The following SYNE2 variants were observed in gnomAD, a reference collection of about 807,000 sequenced individuals.
The protein encoded by SYNE2 is nesprin-2.
Under a neutral mutation model 856.3 loss-of-function variants are expected in SYNE2, and 431 were observed. The ratio of observed to expected loss-of-function variants is 0.50; its 90% confidence interval spans 0.47 to 0.55. The LOEUF (loss-of-function observed/expected upper bound fraction) is 0.55. SYNE2 is among the 20% of genes least tolerant of loss of function. The pLI, the probability that SYNE2 is intolerant of heterozygous loss-of-function variation, is 0.00. For synonymous variants in SYNE2, 2,923 were observed against 2,872.3 expected (o/e 1.02, Z -0.56); for missense variants, 8,129 against 8,023.2 (o/e 1.01, Z -0.50).
chr14:63,836,805 G>A (rs995986878), intron 1 of SYNE2, among the ~76,000 whole-genome samples: 5 of 152,148 alleles, frequency 3.3e-5, no homozygotes, highest in African/African-American at 1.2e-4. Context: ...AAGAATGTAA[G>A]TTAGATAATA....
intron 49 of SYNE2, among the ~76,000 whole-genome samples, chr14:64,060,918 CAATGCA>C (rs2097311717): frequency 6.6e-6 from 1 of 152,120 alleles, no homozygotes; most frequent in Non-Finnish European, 1.5e-5. Flanking sequence ...CACTGCATTC[CAATGCA>C]AAGCTCCCCA....
rs184821363 is a variant in SYNE2, at chr14:64,162,464, C to T, written c.16299+188C>T. The T allele has an allele frequency of 2.0e-4, 132 of 669,876 alleles. No individual in the cohort carries two copies. The East Asian group carries it at 3.6e-3, about 18-fold the overall frequency. The allele number at this position is 669,876 out of a possible 1,614,324, so 41.5% of individuals were successfully genotyped here. ...TGGTGGCTCAGAGGTGACGTCTAGG[C>T]AGCAAATAGCTGGATCAGGGGGACT... On this transcript the variant is annotated intron_variant, in intron 88 of 115. Transcript: ENST00000555002.
chr14:64,215,984 C>G (rs964132827), intron 107 of SYNE2: 1 of 1,402,962 alleles, frequency 7.1e-7, no homozygotes, highest in Non-Finnish European at 9.3e-7. Flanking sequence ...CCCTACCACT[C>G]GAGACCCTGG....
chr14:64,062,645 T>C, intron 49 of SYNE2, 106 bp from the exon 50 acceptor site: 2 of 1,159,346 alleles, frequency 1.7e-6, no homozygotes, highest in Non-Finnish European at 2.5e-6. Context: ...AAAGTTGTCA[T>C]ATCTTTTCTT....
At chr14:63,887,980 T>G (rs1474083157) in intron 1 of SYNE2, among the ~76,000 whole-genome samples, 2 of 152,080 alleles carry the variant, frequency 1.3e-5, no homozygotes. Flanking sequence ...CTTGGGTTCT[T>G]GACCTCAAGT....
Position 64,053,312 on chromosome 14 carries a change from A to T in SYNE2, c.9399A>T (p.Leu3133Phe). ...IKLNAEENDK[L>F]YKVLQNMVLE... is the part of the protein sequence containing the mutation. Reference sequence around the variant, plus strand: ...TGAATGCAGAAGAAAATGATAAGTTATACAAAGTTCTCCAAAACATGGTAT... The same window carrying T: ...TGAATGCAGAAGAAAATGATAAGTTTTACAAAGTTCTCCAAAACATGGTAT... The change falls in exon 48 of 116, where the codon TTA becomes TTT. Residue 3133 changes from leucine (L) to phenylalanine (F), a missense_variant. Around this residue, in one of 3 missense-constraint regions of SYNE2, gnomAD observed 5,410 missense variants for 5,284.8 expected, o/e 1.02. Coordinates refer to ENST00000555002, the MANE Select transcript of SYNE2 (RefSeq NM_182914.3). 1 of 1,611,038 alleles carries T rather than the reference A, an allele frequency of 6.2e-7. No homozygotes were observed. The highest frequency in any genetic ancestry group is 8.5e-7 in the Non-Finnish European group (1 of 1,179,336).
intron 24 of SYNE2, 46 bp downstream of exon 24, chr14:63,997,204 C>T: frequency 6.3e-7 from 1 of 1,597,102 alleles, no homozygotes; most frequent in Non-Finnish European, 8.6e-7. Context: ...AAAACGAAGC[C>T]TTTTGCACGA....
Position 64,162,067 on chromosome 14 carries a change from G to T in SYNE2, c.16095-5G>T. On this transcript the variant is annotated splice_region_variant and splice_polypyrimidine_tract_variant and intron_variant, in intron 87 of 115. Coordinates refer to ENST00000555002, the MANE Select transcript of SYNE2 (RefSeq NM_182914.3). The stretch of plus-strand genomic sequence containing the variant: ...AGGGTTATGTTATTTGCGTTGCACT[G>T]ACAGGTGGACTCAGGTGAACCAAGC... 6.2e-7 allele frequency: 1 copy of T among 1,614,134 alleles called. No individual in the cohort carries two copies. The highest frequency in any genetic ancestry group is 1.1e-5 in the South Asian group (1 of 91,040).
At chr14:64,124,138 G>T (rs1258688270) in intron 70 of SYNE2, among the ~76,000 whole-genome samples, 1 of 152,098 alleles carries the variant, frequency 6.6e-6, no homozygotes, top group Non-Finnish European at 1.5e-5. Context: ...CCAGGTGGCA[G>T]AGGTTGCAGT....
intron 6 of SYNE2, among the ~76,000 whole-genome samples, chr14:63,948,248 G>GA (rs1444557997): frequency 1.3e-5 from 2 of 151,288 alleles, no homozygotes; most frequent in South Asian, 2.1e-4. Context: ...AAACATTTTA[G>GA]AAAAAAATTG....
intron 19 of SYNE2, 70 bp downstream of exon 19, chr14:63,986,687 T>C (rs1771716615): frequency 3.9e-6 from 6 of 1,534,398 alleles, no homozygotes; most frequent in Non-Finnish European, 5.4e-6. Flanking sequence ...AAATAAGAAG[T>C]TTTAAAGTAA....
chr14:64,071,998 G>A (rs911416856), intron 52 of SYNE2, among the ~76,000 whole-genome samples: 7 of 152,070 alleles, frequency 4.6e-5, no homozygotes, highest in Admixed American at 1.3e-4. Context: ...AGCCTGAAAC[G>A]TCCATCTCAA....
chr14:64,016,728 A>G (rs2096894836), intron 33 of SYNE2, 97 bp downstream of exon 33: 2 of 852,742 alleles, frequency 2.3e-6, no homozygotes, highest in Non-Finnish European at 3.7e-6. Context: ...AAAAATACTC[A>G]TTGTAAAAAT....
chr14:63,823,571 G>C (rs1368137384), intron 1 of SYNE2, among the ~76,000 whole-genome samples: 1 of 151,704 alleles, frequency 6.6e-6, no homozygotes, highest in Middle Eastern at 3.4e-3. Flanking sequence ...AACATTCTTT[G>C]CCAGTATTAT....
intron 100 of SYNE2, among the ~76,000 whole-genome samples, 170 bp from the exon 101 acceptor site, chr14:64,208,588 G>C (rs1440134840): frequency 6.6e-6 from 1 of 152,226 alleles, no homozygotes; most frequent in African/African-American, 2.4e-5. Flanking sequence ...CACAAGGGTA[G>C]CACAAAGATG....
At chr14:63,786,984 A>G (rs1450613860) in intron 1 of SYNE2, among the ~76,000 whole-genome samples, 1 of 152,030 alleles carries the variant, frequency 6.6e-6, no homozygotes, top group Non-Finnish European at 1.5e-5. Context: ...CTTAGTCTTG[A>G]ACTCCTGGGC....
chr14:63,936,850 T>C (rs1227020135), intron 2 of SYNE2, among the ~76,000 whole-genome samples: 1 of 152,122 alleles, frequency 6.6e-6, no homozygotes, highest in Non-Finnish European at 1.5e-5. Flanking sequence ...GAGGTGATGG[T>C]GACTTGGGCC....
chr14:64,099,768 C>T (rs886095351), intron 63 of SYNE2: 1 of 151,550 alleles, frequency 6.6e-6, no homozygotes, highest in African/African-American at 2.4e-5. Context: ...TATTATTATA[C>T]TTTAAGTTTT....
chr14:63,841,090 G>A (rs185547266), intron 1 of SYNE2, among the ~76,000 whole-genome samples: 1 of 152,274 alleles, frequency 6.6e-6, no homozygotes, highest in African/African-American at 2.4e-5. Context: ...GAAACAAAAT[G>A]AGAAGTAGCA....
Sources: allele counts gnomAD v4.1 joint callset (sites outside exome capture counted in the v4.1 genomes callset), GRCh38; gene constraint gnomAD v4.1.1; regional missense constraint gnomAD v4.1.1; transcripts MANE v1.5; gene names NCBI Gene and HGNC (gene_info 2026-07-23, HGNC 2026-07-21).